PDE4D: variants seen among roughly 807,000 people sequenced by gnomAD.
The protein encoded by PDE4D is 3',5'-cyclic-AMP phosphodiesterase 4D.
In PDE4D, 24 loss-of-function variants were observed where a neutral mutation model predicts 87.4. The ratio of observed to expected loss-of-function variants is 0.27; its 90% CI spans 0.20 to 0.39. The LOEUF is 0.39. Ranked by LOEUF, PDE4D falls within the 10% of genes least tolerant of loss-of-function variation. The probability of loss-of-function intolerance (pLI) is 1.00; values close to 1 mark genes in which losing one functional copy is unlikely to be tolerated. For missense variants in PDE4D, 714 were observed against 1,041.0 expected (o/e 0.69, Z 4.32); for synonymous variants, 384 against 383.2 (o/e 1.00, Z -0.02).
chr5:59,787,791 T>A (rs1259659610), intron 1 of PDE4D, among the ~76,000 whole-genome samples: 1 of 152,206 alleles, frequency 6.6e-6, no homozygotes, highest in Non-Finnish European at 1.5e-5. Flanking sequence ...GTATGTCTTT[T>A]ATATAGGCAT....
intron 2 of PDE4D, among the ~76,000 whole-genome samples, chr5:59,994,132 A>G (rs1417655288): frequency 6.6e-6 from 1 of 151,892 alleles, no homozygotes; most frequent in African/African-American, 2.4e-5. Flanking sequence ...TCAAAAGTAG[A>G]CAATAAACTA....
At chr5:59,403,923 G>T (rs897834194) in intron 1 of PDE4D, among the ~76,000 whole-genome samples, 1 of 152,266 alleles carries the variant, frequency 6.6e-6, no homozygotes, top group East Asian at 1.9e-4. Flanking sequence ...CCCACCAAAA[G>T]TGTAGGAGTG....
intron 1 of PDE4D, among the ~76,000 whole-genome samples, chr5:59,477,375 T>TA (rs1803477525): frequency 7.4e-6 from 1 of 135,072 alleles, no homozygotes; most frequent in Admixed American, 7.1e-5. Flanking sequence ...AAAAAAAAAA[T>TA]TAAAGAATCT....
intron 1 of PDE4D, among the ~76,000 whole-genome samples, chr5:59,355,421 T>C (rs1217527638): frequency 6.6e-6 from 1 of 152,132 alleles, no homozygotes; most frequent in African/African-American, 2.4e-5. Context: ...GATCTAGTGA[T>C]GAAGAGAGCC....
At chr5:59,078,524 T>G (rs1396408916) in intron 5 of PDE4D, among the ~76,000 whole-genome samples, 1 of 151,648 alleles carries the variant, frequency 6.6e-6, no homozygotes, top group East Asian at 1.9e-4. Context: ...TTTTTTTTTT[T>G]TGGTGACAGG....
At chr5:59,193,888 G>T in intron 2 of PDE4D, 1 of 519,354 alleles carries the variant, frequency 1.9e-6, no homozygotes, top group Non-Finnish European at 2.5e-6. Context: ...GGGTGCTGTG[G>T]AAGGAACCAG....
At chr5:60,299,699 A>G (rs190420630) in intron 1 of PDE4D, among the ~76,000 whole-genome samples, 26 of 152,072 alleles carry the variant, frequency 1.7e-4, no homozygotes, top group African/African-American at 6.0e-4. Flanking sequence ...GTGGCTTCCA[A>G]CTCCAACCAT....
At chr5:60,129,340 G>A (rs1779380342) in intron 2 of PDE4D, among the ~76,000 whole-genome samples, 1 of 152,052 alleles carries the variant, frequency 6.6e-6, no homozygotes, top group South Asian at 2.1e-4. Flanking sequence ...GTATAATAAT[G>A]GAACTTGAAA....
chr5:60,179,370 T>TA (rs1562189044), intron 2 of PDE4D, among the ~76,000 whole-genome samples: 1 of 152,164 alleles, frequency 6.6e-6, no homozygotes, highest in Non-Finnish European at 1.5e-5. Context: ...ATTGATGGAC[T>TA]AATTCCATTT....
Position 60,176,071 on chromosome 5 carries a change from C to T in PDE4D, c.42+9486G>A, listed in dbSNP as rs368812281. Reference sequence around the variant, plus strand: ...GTGGCTGCTGTTCTCCCCAGTCTTTCCTGTGAGTGCCTGGTGGGGTTTGTG... The same window carrying T: ...GTGGCTGCTGTTCTCCCCAGTCTTTTCTGTGAGTGCCTGGTGGGGTTTGTG... On this transcript the variant is annotated intron_variant, in intron 2 of 16. Coordinates refer to the PDE4D transcript ENST00000502484. Among the ~76,000 whole-genome samples, 53 of 152,272 alleles carry T rather than the reference C, an allele frequency of 3.5e-4. 1 individual carries two copies. The highest frequency in any genetic ancestry group is 1.2e-3 in the African/African-American group (48 of 41,560).
At chr5:59,726,516 G>A (rs1340481056) in intron 1 of PDE4D, among the ~76,000 whole-genome samples, 1 of 152,058 alleles carries the variant, frequency 6.6e-6, no homozygotes, top group African/African-American at 2.4e-5. Flanking sequence ...GGCACTGACT[G>A]CAAGCCAGGA....
intron 1 of PDE4D, among the ~76,000 whole-genome samples, chr5:59,436,922 A>C (rs1796876594): frequency 6.6e-6 from 1 of 152,222 alleles, no homozygotes; most frequent in Admixed American, 6.5e-5. Flanking sequence ...GAAGTTAGTG[A>C]ATCAGGTATC....
intron 2 of PDE4D, among the ~76,000 whole-genome samples, chr5:60,060,456 G>C (rs1344823875): frequency 6.6e-6 from 1 of 152,016 alleles, no homozygotes; most frequent in East Asian, 1.9e-4. Context: ...CCCAGTTCCA[G>C]GAATGCCTCT....
chr5:60,463,996 G>T (rs1747156872), intron 1 of PDE4D, among the ~76,000 whole-genome samples: 1 of 152,110 alleles, frequency 6.6e-6, no homozygotes, highest in Non-Finnish European at 1.5e-5. Flanking sequence ...TCCTTAAAAT[G>T]AAATTTTAAC....
upstream of PDE4D, among the ~76,000 whole-genome samples, chr5:59,894,650 T>C (rs1751446189): frequency 6.6e-6 from 1 of 152,216 alleles, no homozygotes. Flanking sequence ...CCTCTGATTA[T>C]CTTCGGTAGT....
intron 1 of PDE4D, among the ~76,000 whole-genome samples, chr5:60,340,952 A>T (rs1292467276): frequency 6.6e-6 from 1 of 152,160 alleles, no homozygotes; most frequent in Admixed American, 6.5e-5. Flanking sequence ...TCTCTCAGTA[A>T]GTAAATGTAA....
chr5:59,590,632 C>G (rs1382241891), intron 1 of PDE4D, among the ~76,000 whole-genome samples: 1 of 152,138 alleles, frequency 6.6e-6, no homozygotes, highest in African/African-American at 2.4e-5. Context: ...ATTGGCATAA[C>G]CTCAGTGAAG....
intron 1 of PDE4D, among the ~76,000 whole-genome samples, chr5:59,628,959 T>C (rs1000577292): frequency 1.3e-5 from 2 of 152,096 alleles, no homozygotes; most frequent in African/African-American, 4.8e-5. Context: ...CTTCTTCACA[T>C]AGCAGCAGCA....
chr5:60,419,003 A>G (rs1294921766), intron 1 of PDE4D, among the ~76,000 whole-genome samples: 1 of 152,206 alleles, frequency 6.6e-6, no homozygotes, highest in Non-Finnish European at 1.5e-5. Context: ...ACTGCAGGTA[A>G]AACAAAAAAG....
Sources: gnomAD v4.1 joint callset for allele counts (sites outside exome capture counted in the v4.1 genomes callset) on GRCh38, gnomAD v4.1.1 for gene constraint, MANE v1.5 for transcripts, NCBI Gene and HGNC (gene_info 2026-07-23, HGNC 2026-07-21) for gene names.